SLC26A11: variants seen among roughly 807,000 people sequenced by gnomAD.
SLC26A11 encodes the protein solute carrier family 26 member 11.
In SLC26A11, 58 loss-of-function variants were observed where a neutral mutation model predicts 62.2. The ratio of observed to expected loss-of-function variants is 0.93; its 90% CI spans 0.76 to 1.16. The LOEUF is 1.16. Ranked by LOEUF, SLC26A11 falls within the 50% of genes most tolerant of loss-of-function variation. The pLI is 0.00. For missense variants in SLC26A11, 790 were observed against 794.3 expected (o/e 0.99, Z 0.06); for synonymous variants, 411 against 368.9 (o/e 1.11, Z -1.31).
chr17:80,223,499 G>T lies in SLC26A11; in HGVS notation c.513+162G>T, dbSNP rs1031041327. ...TCAAGAAGCACGCGGTGCTCTCATGGGTCCCCTGTTAATAAAATGACCCTC... is the reference window on the plus strand; with the variant it reads ...TCAAGAAGCACGCGGTGCTCTCATGTGTCCCCTGTTAATAAAATGACCCTC... On this transcript the variant is annotated intron_variant, in intron 5 of 17. Transcript: ENST00000361193. The surrounding 1 kb of genome is among the most constrained non-coding windows in gnomAD (Gnocchi z 4.6). 6.6e-6 allele frequency among the ~76,000 whole-genome samples: 1 copy of T among 152,200 alleles called. No homozygotes were observed. The highest frequency in any genetic ancestry group is 1.5e-5 in the Non-Finnish European group (1 of 68,034).
chr17:80,247,330 C>T (rs1399826903), intron 13 of SLC26A11, among the ~76,000 whole-genome samples: 1 of 152,168 alleles, frequency 6.6e-6, no homozygotes, highest in Non-Finnish European at 1.5e-5. Flanking sequence ...CCATTGTCAT[C>T]ATGGCGCGTT....
rs761082284 is a variant in SLC26A11, at chr17:80,249,261, G to A, written c.1630G>A (p.Val544Ile). The A allele has an allele frequency of 3.7e-5, 60 of 1,610,868 alleles. No individual in the cohort carries two copies. Among genetic ancestry groups the A allele is most frequent in the Middle Eastern group, 1.9e-4 (1 of 5,284 alleles). The change falls in exon 16 of 18, where the codon GTC becomes ATC. Residue 544 changes from valine to isoleucine, a missense_variant. Coordinates refer to ENST00000361193, the MANE Select transcript of SLC26A11 (RefSeq NM_001166347.2). ...CCTCCAGGACTTCCAGAAGCAGGGC[G>A]TCGCCCTGGCCTTTGTGGGCCTGCA... is the stretch of plus-strand genomic sequence containing the variant. ...ELLQDFQKQGVALAFVGLQVP... is the reference protein window; with the variant it reads ...ELLQDFQKQGIALAFVGLQVP...
chr17:80,250,867 G>A lies in SLC26A11; in HGVS notation c.1657-462G>A, dbSNP rs372592777. ...AAACAAAAAGTCCTCTGGGCCAGGC[G>A]CTGTGGCTCACACCTGTAATCCCAG... is the stretch of plus-strand genomic sequence containing the variant. On this transcript the variant is annotated intron_variant, in intron 16 of 17. Coordinates refer to ENST00000361193, the MANE Select transcript of SLC26A11 (RefSeq NM_001166347.2). Among the ~76,000 whole-genome samples the A allele has an allele frequency of 9.9e-3, 1,457 of 146,546 alleles. 31 individuals are homozygous for A. Among genetic ancestry groups the A allele is most frequent in the African/African-American group, 0.035 (1,374 of 39,594 alleles).
In SLC26A11 at chr17:80,252,544, C is replaced by G. The variant is rs1428075340; in HGVS notation, c.1730-81C>G. 4 of 1,364,792 alleles carry G rather than the reference C, an allele frequency of 2.9e-6. No individual in the cohort carries two copies. In the African/African-American group the frequency reaches 4.3e-5, roughly 15 times the overall value. The allele number at this position is 1,364,792 out of a possible 1,614,324, so 84.5% of individuals were successfully genotyped here. ...ACACCTTCCAGGACTCTGGAAGGCC[C>G]TCCTTAATCCCTTCCTGTGAACTGA... On this transcript the variant is annotated intron_variant, in intron 17 of 17. Transcript: ENST00000361193. The surrounding 1 kb of genome is among the most constrained non-coding windows in gnomAD (Gnocchi z 5.2).
chr17:80,228,548 C>T lies in SLC26A11; in HGVS notation c.736+588C>T, dbSNP rs1567949176. Among the ~76,000 whole-genome samples the T allele has an allele frequency of 6.6e-6, 1 of 152,194 alleles. No individual in the cohort carries two copies. Among genetic ancestry groups the T allele is most frequent in the Non-Finnish European group, 1.5e-5 (1 of 68,034 alleles). On this transcript the variant is annotated intron_variant, in intron 7 of 17. Transcript: ENST00000361193. The surrounding 1 kb of genome is among the most constrained non-coding windows in gnomAD (Gnocchi z 4.1). ...GTTCTCAACCTGAAGCAGTTTTGCC[C>T]CCTGGTGACACGTGGCAATGTTGGG...
intron 7 of SLC26A11, chr17:80,236,677 C>T (rs2042701955): frequency 2.2e-6 from 1 of 460,226 alleles, no homozygotes. Flanking sequence ...GCACGATGTC[C>T]AGTCACCTGG....
rs1199212599 is a variant in SLC26A11 at position 80,247,159 on chromosome 17, G to T, written c.1294+510G>T. On this transcript the variant is annotated intron_variant, in intron 13 of 17. Transcript: ENST00000361193. ...GGTCATAGGACAATATGGGGTTGGG[G>T]GTAAGGTCACAGATAACAGGATCCC... Among the ~76,000 whole-genome samples the T allele has an allele frequency of 3.3e-5, 5 of 151,950 alleles. No homozygotes were observed. The East Asian group carries it at 9.6e-4, about 29-fold the overall frequency.
At position 80,246,215 on chromosome 17, in the gene SLC26A11, G is replaced by GC; in HGVS notation, c.1153+12dup. On this transcript the variant is annotated splice_region_variant and intron_variant, in intron 12 of 17. Transcript: ENST00000361193. This position sits in a 1 kb window ranked among gnomAD's most constrained non-coding sequence, Gnocchi z 4.4. ...GGCGGGGGGCCTGGTGACGGGTAAG[G>GC]CCCCCCATCTTCCCCTTGTGCCCGC... The GC allele has an allele frequency of 6.2e-7, 1 of 1,609,044 alleles. No homozygotes were observed. Among genetic ancestry groups the GC allele is most frequent in the Non-Finnish European group, 8.5e-7 (1 of 1,178,446 alleles).
rs538664411 is a variant in SLC26A11 at position 80,222,354 on chromosome 17, C to T, written c.235-301C>T. ...CTGTGCCACTGCCCTCCAGCCTGGG[C>T]GACAGAGCGAGACTCCATCTCAAAA... On this transcript the variant is annotated intron_variant, in intron 3 of 17. Transcript: ENST00000361193. This position sits in a 1 kb window ranked among gnomAD's most constrained non-coding sequence, Gnocchi z 4.7. The T allele has an allele frequency of 8.2e-5, 22 of 268,946 alleles. No homozygotes were observed. The highest frequency in any genetic ancestry group is 1.8e-4 in the South Asian group (2 of 11,244). The allele number at this position is 268,946 out of a possible 1,614,324, so 16.7% of individuals were successfully genotyped here.
rs372183902 is a variant in SLC26A11, at chr17:80,251,271, C to T, written c.1657-58C>T. On this transcript the variant is annotated intron_variant, in intron 16 of 17. Coordinates refer to ENST00000361193, the MANE Select transcript of SLC26A11 (RefSeq NM_001166347.2). ...TGAGATGGCAGGTCTACCAGGCTGC[C>T]GACCCGTGTGCTACAGAGGAACATC... The T allele has an allele frequency of 1.4e-5, 23 of 1,613,386 alleles. No homozygotes were observed. The African/African-American group carries it at 1.7e-4, about 12-fold the overall frequency.
intron 13 of SLC26A11, among the ~76,000 whole-genome samples, chr17:80,247,463 TAAC>T (rs371000788): frequency 1.8e-4 from 27 of 152,308 alleles, no homozygotes; most frequent in Middle Eastern, 6.8e-3. Flanking sequence ...GCAGTTCCTT[TAAC>T]TTAACACATT....
rs1376666743 is a variant in SLC26A11 at position 80,227,813 on chromosome 17, C to T, written c.594-5C>T. 2 of 1,603,884 alleles carry T rather than the reference C, an allele frequency of 1.2e-6. No homozygotes were observed. The highest frequency in any genetic ancestry group is 2.2e-5 in the East Asian group (1 of 44,872). ...GGTGGTGACCAGTCCTCTGCCTGTC[C>T]ACAGGGTAGGTGACGCCGTCCTGGG... is the stretch of plus-strand genomic sequence containing the variant. On this transcript the variant is annotated splice_polypyrimidine_tract_variant and splice_region_variant and intron_variant, in intron 6 of 17. Coordinates refer to ENST00000361193, the MANE Select transcript of SLC26A11 (RefSeq NM_001166347.2).
intron 7 of SLC26A11, among the ~76,000 whole-genome samples, chr17:80,229,083 G>C (rs571023814): frequency 6.6e-6 from 1 of 152,334 alleles, no homozygotes; most frequent in Non-Finnish European, 1.5e-5. Context: ...CGAGGGGACA[G>C]ATTAAGCTCA....
chr17:80,243,977 T>TGGTC (rs1340566221), intron 10 of SLC26A11, among the ~76,000 whole-genome samples: 1 of 152,194 alleles, frequency 6.6e-6, no homozygotes. Flanking sequence ...CTGCAGCCTG[T>TGGTC]GGTCACCTTG....
rs757796994 is a variant in SLC26A11 at position 80,223,305 on chromosome 17, G to A, written c.481G>A (p.Ala161Thr). ...CGTCATTAAAGGCTTCACCTCTGCTGCTGCCGTCACCATCGGCTTTGGACA... is the reference window on the plus strand; with the variant it reads ...CGTCATTAAAGGCTTCACCTCTGCTACTGCCGTCACCATCGGCTTTGGACA... ...YPVIKGFTSA[A>T]AVTIGFGQIK... is the part of the protein sequence containing the mutation. Residue 161 changes from alanine to threonine, a missense_variant, in exon 5 of 18, where the codon GCT becomes ACT. Coordinates refer to ENST00000361193, the MANE Select transcript of SLC26A11 (RefSeq NM_001166347.2). The surrounding 1 kb of genome is among the most constrained non-coding windows in gnomAD (Gnocchi z 4.6). 3.1e-6 allele frequency: 5 copies of A among 1,614,130 alleles called. No individual in the cohort carries two copies. In the South Asian group the frequency reaches 5.5e-5, roughly 18 times the overall value.
In SLC26A11 at chr17:80,249,150, C is replaced by A. The variant is rs931193556; in HGVS notation, c.1523-4C>A. ...CGTGACCTGGCTCGGGCCTGTCTCC[C>A]CAGTGTCCCCGCCACGCTGCCTGGT... On this transcript the variant is annotated splice_region_variant and splice_polypyrimidine_tract_variant and intron_variant, in intron 15 of 17. Coordinates refer to ENST00000361193, the MANE Select transcript of SLC26A11 (RefSeq NM_001166347.2). 2.5e-6 allele frequency: 4 copies of A among 1,604,648 alleles called. No homozygotes were observed. The highest frequency in any genetic ancestry group is 1.3e-5 in the African/African-American group (1 of 74,966).
At chr17:80,235,944 G>A (rs1394814441) in intron 7 of SLC26A11, among the ~76,000 whole-genome samples, 2 of 152,162 alleles carry the variant, frequency 1.3e-5, no homozygotes, top group East Asian at 1.9e-4. Flanking sequence ...TCATTTACAT[G>A]GTCAATGTCA....
intron 9 of SLC26A11, among the ~76,000 whole-genome samples, chr17:80,241,273 T>C (rs1385364770): frequency 1.3e-5 from 2 of 152,214 alleles, no homozygotes; most frequent in African/African-American, 4.8e-5. Context: ...TTCTTGTTGT[T>C]GTTTGAGACA....
chr17:80,234,453 G>A (rs949615346), intron 7 of SLC26A11, among the ~76,000 whole-genome samples: 1 of 150,522 alleles, frequency 6.6e-6, no homozygotes, highest in Non-Finnish European at 1.5e-5. Flanking sequence ...TTCATAATGT[G>A]GCTTGATGTA....
Sources: gnomAD v4.1 joint callset for allele counts (sites outside exome capture counted in the v4.1 genomes callset) on GRCh38, gnomAD v4.1.1 for gene constraint, Gnocchi (gnomAD v3.1) non-coding constraint, MANE v1.5 for transcripts, NCBI Gene and HGNC (gene_info 2026-07-23, HGNC 2026-07-21) for gene names.